The following ZBTB7B variants were observed in gnomAD, a reference collection of about 807,000 sequenced individuals.
ZBTB7B encodes zinc finger and BTB domain-containing protein 7B.
ZBTB7B carries 8 observed loss-of-function variants against 31.0 expected under a neutral mutation model. That is an observed-to-expected ratio of 0.26 (90% CI 0.15 to 0.47). The LOEUF is 0.47. Ranked by LOEUF, ZBTB7B falls within the 20% of genes least tolerant of loss-of-function variation. ZBTB7B has a pLI of 0.99. For synonymous variants in ZBTB7B, 261 were observed against 307.3 expected (o/e 0.85, Z 1.58); for missense variants, 494 against 742.4 (o/e 0.67, Z 3.89).
In ZBTB7B at chr1:155,017,398, C is replaced by CCCCTCCCTAG. The variant is rs1390917153; in HGVS notation, c.*722_*731dup. On this transcript the variant is annotated 3_prime_UTR_variant, in exon 3 of 3. Transcript: ENST00000535420. ...GCTAGGGGAGCCGCTCCGTTCCACT[C>CCCCTCCCTAG]CCCTCCCTAGCCCTCCCTCCCCACG... is the stretch of plus-strand genomic sequence containing the variant. The CCCCTCCCTAG allele has an allele frequency of 6.8e-6, 1 of 147,596 alleles. No homozygotes were observed. The highest frequency in any genetic ancestry group is 1.5e-5 in the Non-Finnish European group (1 of 65,596). 9.1% of individuals were successfully genotyped at this position (147,596 alleles called of 1,614,324 possible). A position where few individuals can be genotyped will look rare whatever the true frequency, so the allele number is the denominator to read the frequency against.
At chr1:155,007,744 G>GGA (rs1213884589) in intron 1 of ZBTB7B, among the ~76,000 whole-genome samples, 1 of 152,138 alleles carries the variant, frequency 6.6e-6, no homozygotes, top group Non-Finnish European at 1.5e-5. Context: ...GGGGTAGGAG[G>GGA]GAGAGGAGGG....
In ZBTB7B at chr1:155,014,641, A is replaced by G; in HGVS notation, c.-6-14A>G. ...GCTGAGCGCTCTTAATCTCCCCTCT[A>G]CTTGACTCTGCAGGAGAAGATGGGG... On this transcript the variant is annotated splice_polypyrimidine_tract_variant and intron_variant, in intron 1 of 2. Transcript: ENST00000535420. 6.2e-7 allele frequency: 1 copy of G among 1,603,832 alleles called. No individual in the cohort carries two copies. The highest frequency in any genetic ancestry group is 8.5e-7 in the Non-Finnish European group (1 of 1,173,846).
In ZBTB7B at chr1:155,018,500, G is replaced by A. The variant is rs765894846; in HGVS notation, c.*1815G>A. On this transcript the variant is annotated 3_prime_UTR_variant, in exon 3 of 3. Coordinates refer to ENST00000535420, the MANE Select transcript of ZBTB7B (RefSeq NM_001256455.2). ...CCACCTCGGGTGTAAGCGACAGGAAGAAATAATAATAATTTAAGATTCACA... is the reference window on the plus strand; with the variant it reads ...CCACCTCGGGTGTAAGCGACAGGAAAAAATAATAATAATTTAAGATTCACA... The A allele has an allele frequency of 1.1e-5, 18 of 1,578,870 alleles. No individual in the cohort carries two copies. The highest frequency in any genetic ancestry group is 1.6e-5 in the Non-Finnish European group (18 of 1,154,006).
Position 155,016,578 on chromosome 1 carries a change from T to C in ZBTB7B, c.1513T>C (p.Ser505Pro), listed in dbSNP as rs1223218880. Residue 505 changes from serine to proline, a missense_variant, in exon 3 of 3, where the codon TCA becomes CCA. Around this residue, in one of 5 missense-constraint regions of ZBTB7B, gnomAD observed 101 missense variants for 119.5 expected, o/e 0.85. Coordinates refer to ENST00000535420, the MANE Select transcript of ZBTB7B (RefSeq NM_001256455.2). The surrounding 1 kb of genome is among the most constrained non-coding windows in gnomAD (Gnocchi z 4.3). ...CTCTCTAGCTCGATTCTGGGAGCAG[T>C]CAGCCCCCACTGGGCCCCCGGTCTC... ...RLSLARFWEQ[S>P]APTGPPVSTP... The C allele has an allele frequency of 6.2e-7, 1 of 1,613,756 alleles. No individual in the cohort carries two copies. Among genetic ancestry groups the C allele is most frequent in the African/African-American group, 1.3e-5 (1 of 74,908 alleles).
Position 155,015,370 on chromosome 1 carries a change from AGGT to A in ZBTB7B, c.713_715del (p.Val238del). 1 of 1,574,036 alleles carries A rather than the reference AGGT, an allele frequency of 6.4e-7. No homozygotes were observed. Among genetic ancestry groups the A allele is most frequent in the Non-Finnish European group, 8.6e-7 (1 of 1,156,220 alleles). ...CATCCCTTGACCTATGAGGAGGAGG[AGGT>A]GGCGGGCAGAGTGGGCAGCAGTGGG... On this transcript the variant is annotated inframe_deletion, in exon 2 of 3. Transcript: ENST00000535420.
rs760459178 is a variant in ZBTB7B, at chr1:155,016,642, C to T, written c.1577C>T (p.Ala526Val). The change falls in exon 3 of 3, where the codon GCA becomes GTA. Residue 526 changes from alanine (A) to valine (V), a missense_variant. Physicochemically the swap from Ala to Val is moderately conservative, Grantham distance 64. This residue lies in a region of ZBTB7B where 101 missense variants were observed against 119.5 expected (regional missense o/e 0.85). Coordinates refer to ENST00000535420, the MANE Select transcript of ZBTB7B (RefSeq NM_001256455.2). This position sits in a 1 kb window ranked among gnomAD's most constrained non-coding sequence, Gnocchi z 4.3. ...GPPDDDEEEG[A>V]PTTPQAEGAM... is the part of the protein sequence containing the mutation. ...CCTGATGACGATGAGGAGGAAGGGG[C>T]ACCCACCACACCCCAGGCTGAAGGT... 3 of 1,594,218 alleles carry T rather than the reference C, an allele frequency of 1.9e-6. No individual in the cohort carries two copies. The highest frequency in any genetic ancestry group is 2.6e-6 in the Non-Finnish European group (3 of 1,169,022).
chr1:155,005,753 G>A (rs1197665002), intron 1 of ZBTB7B, among the ~76,000 whole-genome samples: 3 of 152,218 alleles, frequency 2.0e-5, no homozygotes, highest in Non-Finnish European at 4.4e-5. Flanking sequence ...CTGGCATGGG[G>A]TGTGCCCGCC....
At chr1:155,008,178 T>C (rs1658681782) in intron 1 of ZBTB7B, among the ~76,000 whole-genome samples, 1 of 151,918 alleles carries the variant, frequency 6.6e-6, no homozygotes, top group African/African-American at 2.4e-5. Flanking sequence ...TCTATCCCCC[T>C]CAGGCCAGCT....
chr1:155,013,574 C>T (rs1659148250), intron 1 of ZBTB7B, among the ~76,000 whole-genome samples: 1 of 150,934 alleles, frequency 6.6e-6, no homozygotes, highest in South Asian at 2.1e-4. Context: ...GCTCTGCACC[C>T]ACCTCCTGGC....
At position 155,015,402 on chromosome 1, in the gene ZBTB7B, A is replaced by C; in HGVS notation, c.742A>C (p.Ser248Arg). 1 of 1,569,600 alleles carries C rather than the reference A, an allele frequency of 6.4e-7. No homozygotes were observed. Among genetic ancestry groups the C allele is most frequent in the Non-Finnish European group, 8.7e-7 (1 of 1,155,304 alleles). The change falls in exon 2 of 3, where the codon AGT becomes CGT. Residue 248 changes from serine (S) to arginine (R), a missense_variant. Ser to Arg is a moderately radical substitution (Grantham distance 110). Transcript: ENST00000535420. Reference protein sequence around the residue: ...VAGRVGSSGGSGPGDSYSPPT... With the variant: ...VAGRVGSSGGRGPGDSYSPPT... ...GGGCAGAGTGGGCAGCAGTGGGGGC[A>C]GTGGGCCGGGGGACAGCTACAGCCC...
rs1472035109 is a variant in ZBTB7B at position 155,003,304 on chromosome 1, G to A, written c.-7+361G>A. On this transcript the variant is annotated intron_variant, in intron 1 of 2. Transcript: ENST00000535420. The surrounding 1 kb of genome is among the most constrained non-coding windows in gnomAD (Gnocchi z 5.8). ...TGACTTTAGGGGGAGACCCCAGACC[G>A]GACTGAGTTGAGGGAATGGAAACGC... is the stretch of plus-strand genomic sequence containing the variant. 6.6e-6 allele frequency among the ~76,000 whole-genome samples: 1 copy of A among 152,152 alleles called. No homozygotes were observed. The highest frequency in any genetic ancestry group is 1.5e-5 in the Non-Finnish European group (1 of 68,026).
In ZBTB7B at chr1:155,003,362, C is replaced by G. The variant is rs972662907; in HGVS notation, c.-7+419C>G. 3.9e-5 allele frequency among the ~76,000 whole-genome samples: 6 copies of G among 152,034 alleles called. No individual in the cohort carries two copies. Among genetic ancestry groups the G allele is most frequent in the Non-Finnish European group, 1.5e-5 (1 of 67,914 alleles). On this transcript the variant is annotated intron_variant, in intron 1 of 2. Transcript: ENST00000535420. The surrounding 1 kb of genome is among the most constrained non-coding windows in gnomAD (Gnocchi z 5.8). The stretch of plus-strand genomic sequence containing the variant: ...CTCTAACTAGGACAACGCGCACCCC[C>G]CCCCCACCCCGCGCCCCCTGGCGCG...
intron 1 of ZBTB7B, among the ~76,000 whole-genome samples, chr1:155,007,738 T>G (rs965401706): frequency 2.0e-5 from 3 of 147,994 alleles, no homozygotes; most frequent in Non-Finnish European, 3.0e-5. Flanking sequence ...AGCAGGGGGG[T>G]AGGAGGGAGA....
Position 155,016,868 on chromosome 1 carries a change from C to T in ZBTB7B, c.*183C>T, listed in dbSNP as rs938233536. The T allele has an allele frequency of 2.0e-5, 11 of 561,014 alleles. 1 individual carries two copies. The highest frequency in any genetic ancestry group is 5.2e-5 in the South Asian group (2 of 38,362). The allele number at this position is 561,014 out of a possible 1,614,324, so 34.8% of individuals were successfully genotyped here. On this transcript the variant is annotated 3_prime_UTR_variant, in exon 3 of 3. Coordinates refer to ENST00000535420, the MANE Select transcript of ZBTB7B (RefSeq NM_001256455.2). The surrounding 1 kb of genome is among the most constrained non-coding windows in gnomAD (Gnocchi z 4.3). ...TAAGAAGGTATTGGGGCAGAGGCTCCCCAAATTGGGGTGATCCCCCAAGGA... is the reference window on the plus strand; with the variant it reads ...TAAGAAGGTATTGGGGCAGAGGCTCTCCAAATTGGGGTGATCCCCCAAGGA...
At chr1:155,013,740 G>T (rs960438107) in intron 1 of ZBTB7B, among the ~76,000 whole-genome samples, 1 of 151,604 alleles carries the variant, frequency 6.6e-6, no homozygotes, top group African/African-American at 2.4e-5. Flanking sequence ...TGGCCTATTG[G>T]CAGTGGGGGA....
chr1:155,013,899 T>A (rs897739302), intron 1 of ZBTB7B: 1 of 322,872 alleles, frequency 3.1e-6, no homozygotes, highest in African/African-American at 2.3e-5. Flanking sequence ...CCGTTTGGCC[T>A]GGAGAAGTGG....
chr1:155,010,891 C>A, intron 1 of ZBTB7B: 1 of 1,528,428 alleles, frequency 6.5e-7, no homozygotes, highest in South Asian at 1.2e-5. Flanking sequence ...GGAAGAGCCT[C>A]AGGTCTCTCC....
upstream of ZBTB7B, among the ~76,000 whole-genome samples, chr1:155,001,763 G>A (rs966913817): frequency 6.6e-6 from 1 of 151,506 alleles, no homozygotes; most frequent in Non-Finnish European, 1.5e-5. This position sits in a 1 kb window ranked among gnomAD's most constrained non-coding sequence, Gnocchi z 4.8. Flanking sequence ...GAGGCTGCTT[G>A]CCTGGGGCGC....
At chr1:155,008,424 G>A (rs1658703580) in intron 1 of ZBTB7B, among the ~76,000 whole-genome samples, 1 of 152,144 alleles carries the variant, frequency 6.6e-6, no homozygotes, top group African/African-American at 2.4e-5. Context: ...GGTCTAGAGG[G>A]CTTCCTTGTG....
Sources: allele counts gnomAD v4.1 joint callset (sites outside exome capture counted in the v4.1 genomes callset), GRCh38; gene constraint gnomAD v4.1.1; regional missense constraint gnomAD v4.1.1; non-coding constraint Gnocchi (gnomAD v3.1); transcripts MANE v1.5; gene names NCBI Gene and HGNC (gene_info 2026-07-23, HGNC 2026-07-21).